The following EPHA3 variants were observed in gnomAD, a reference collection of about 807,000 sequenced individuals.
The protein encoded by EPHA3 is EPH receptor A3.
EPHA3 carries 42 observed loss-of-function variants against 107.1 expected under a neutral mutation model. That is an observed-to-expected ratio of 0.39 (90% confidence interval 0.31 to 0.51). The LOEUF (loss-of-function observed/expected upper bound fraction) is 0.51. EPHA3 is among the 20% of genes least tolerant of loss of function. EPHA3 has a pLI of 0.78. For synonymous variants in EPHA3, 461 were observed against 424.8 expected (o/e 1.09, Z -1.05); for missense variants, 1,183 against 1,211.2 (o/e 0.98, Z 0.35).
At chr3:89,278,501 G>A (rs1210885247) in intron 3 of EPHA3, among the ~76,000 whole-genome samples, 1 of 152,102 alleles carries the variant, frequency 6.6e-6, no homozygotes, top group Admixed American at 6.6e-5. Flanking sequence ...TTCATGGGGC[G>A]AATGGAATGC....
At position 89,389,092 on chromosome 3, in the gene EPHA3, A is replaced by G. The variant is rs28635057; in HGVS notation, c.1307-6745A>G. Among the ~76,000 whole-genome samples the G allele has an allele frequency of 1.2e-3, 177 of 152,292 alleles. 2 individuals carry two copies. Among genetic ancestry groups the G allele is most frequent in the African/African-American group, 4.2e-3 (174 of 41,578 alleles). ...TTATTGGTGAGAAAAAATATAAACT[A>G]TAACTCTGAGATTTTGAACTGGATA... On this transcript the variant is annotated intron_variant, in intron 5 of 16. Coordinates refer to ENST00000336596, the MANE Select transcript of EPHA3 (RefSeq NM_005233.6).
At chr3:89,178,288 G>A (rs1485834959) in intron 2 of EPHA3, among the ~76,000 whole-genome samples, 4 of 151,992 alleles carry the variant, frequency 2.6e-5, no homozygotes, top group African/African-American at 7.2e-5. Context: ...TCATTTTTAT[G>A]TTATTACATC....
intron 2 of EPHA3, among the ~76,000 whole-genome samples, chr3:89,187,220 C>T (rs995220591): frequency 3.5e-4 from 52 of 150,438 alleles, no homozygotes; most frequent in African/African-American, 1.2e-3. Flanking sequence ...GAAAAGCAAA[C>T]ATATTTATAA....
chr3:89,293,507 A>G (rs942539872), intron 3 of EPHA3, among the ~76,000 whole-genome samples: 2 of 152,148 alleles, frequency 1.3e-5, no homozygotes, highest in Admixed American at 1.3e-4. Context: ...TATAGTTTGT[A>G]TCTGTGTCCC....
At chr3:89,420,888 C>T (rs1267619599) in intron 11 of EPHA3, among the ~76,000 whole-genome samples, 3 of 151,378 alleles carry the variant, frequency 2.0e-5, no homozygotes, top group African/African-American at 7.3e-5. Context: ...GTTATGTGCC[C>T]ACATTATACT....
At chr3:89,215,328 A>C (rs2107193316) in intron 3 of EPHA3, among the ~76,000 whole-genome samples, 1 of 152,010 alleles carries the variant, frequency 6.6e-6, no homozygotes, top group South Asian at 2.1e-4. Flanking sequence ...GTTAAAGTAA[A>C]AACTTATTTT....
At chr3:89,111,523 G>A (rs1288531852) in intron 1 of EPHA3, among the ~76,000 whole-genome samples, 2 of 63,960 alleles carry the variant, frequency 3.1e-5, no homozygotes, top group Non-Finnish European at 6.6e-5. Context: ...CCCCCACCCC[G>A]CCTCCATGGT....
intron 5 of EPHA3, among the ~76,000 whole-genome samples, chr3:89,350,480 G>T (rs1341591775): frequency 1.3e-5 from 2 of 151,050 alleles, no homozygotes; most frequent in African/African-American, 2.4e-5. Flanking sequence ...GCTCCTTTAA[G>T]CACTTCTCTG....
intron 15 of EPHA3, among the ~76,000 whole-genome samples, chr3:89,450,799 C>T (rs1709970003): frequency 6.6e-6 from 1 of 151,936 alleles, no homozygotes. Context: ...CCTAGCTACT[C>T]GGGAGGCTGA....
intron 15 of EPHA3, among the ~76,000 whole-genome samples, chr3:89,452,209 T>C (rs1384445989): frequency 6.6e-6 from 1 of 152,190 alleles, no homozygotes; most frequent in African/African-American, 2.4e-5. Flanking sequence ...TTCATTTCCT[T>C]TGGCTATATA....
At chr3:89,411,447 T>C (rs1050569129) in intron 9 of EPHA3, among the ~76,000 whole-genome samples, 2 of 151,854 alleles carry the variant, frequency 1.3e-5, no homozygotes, top group African/African-American at 2.4e-5. Flanking sequence ...TTCTTCTGCA[T>C]TCCCTATTTG....
intron 3 of EPHA3, among the ~76,000 whole-genome samples, chr3:89,286,416 G>A (rs553150778): frequency 2.6e-5 from 4 of 152,044 alleles, no homozygotes; most frequent in Admixed American, 2.6e-4. Context: ...GCTCTGTGTT[G>A]GAATTAAACG....
At chr3:89,401,448 G>A (rs1708960623) in intron 7 of EPHA3, among the ~76,000 whole-genome samples, 2 of 152,250 alleles carry the variant, frequency 1.3e-5, no homozygotes, top group South Asian at 4.1e-4. Flanking sequence ...TGGAAATAAT[G>A]CAAGTGCCAA....
chr3:89,216,634 G>A (rs563176363), intron 3 of EPHA3, among the ~76,000 whole-genome samples: 8 of 152,024 alleles, frequency 5.3e-5, no homozygotes, highest in East Asian at 1.9e-4. Context: ...GATTTGCTGC[G>A]TGCCACTTTG....
At chr3:89,321,154 T>A (rs1707034636) in intron 3 of EPHA3, among the ~76,000 whole-genome samples, 1 of 151,924 alleles carries the variant, frequency 6.6e-6, no homozygotes, top group African/African-American at 2.4e-5. Context: ...CCAGGAACAA[T>A]TTGTTAGCTT....
intron 7 of EPHA3, among the ~76,000 whole-genome samples, chr3:89,401,794 A>G (rs969617571): frequency 2.0e-5 from 3 of 152,012 alleles, no homozygotes; most frequent in East Asian, 3.9e-4. Flanking sequence ...TATTTTTAGT[A>G]TAGATGGGGT....
rs148454103 is a variant in EPHA3, at chr3:89,152,904, C to T, written c.153+25631C>T. Among the ~76,000 whole-genome samples, 422 of 152,056 alleles carry T rather than the reference C, an allele frequency of 2.8e-3. 1 individual carries two copies. The highest frequency in any genetic ancestry group is 0.018 in the South Asian group (87 of 4,818). Reference sequence around the variant, plus strand: ...AGTTTGGTAAATTTAGAAAAATCACCCAAGGCTCAGTTTGTAGTATTTATC... The same window carrying T: ...AGTTTGGTAAATTTAGAAAAATCACTCAAGGCTCAGTTTGTAGTATTTATC... On this transcript the variant is annotated intron_variant, in intron 2 of 16. Transcript: ENST00000336596.
At chr3:89,189,511 T>G (rs1705651438) in intron 2 of EPHA3, among the ~76,000 whole-genome samples, 1 of 152,170 alleles carries the variant, frequency 6.6e-6, no homozygotes, top group South Asian at 2.1e-4. Flanking sequence ...GAGAATTGCT[T>G]GAACCCAGGA....
At chr3:89,454,519 C>T (rs1710059598) in intron 15 of EPHA3, among the ~76,000 whole-genome samples, 1 of 152,280 alleles carries the variant, frequency 6.6e-6, no homozygotes, top group Middle Eastern at 3.4e-3. Context: ...TGACCTGGAC[C>T]ACTGCAATAG....
Sources: allele counts gnomAD v4.1 joint callset (sites outside exome capture counted in the v4.1 genomes callset), GRCh38; gene constraint gnomAD v4.1.1; transcripts MANE v1.5; gene names NCBI Gene and HGNC (gene_info 2026-07-23, HGNC 2026-07-21).